Variants in TLCD4 observed in about 807,000 individuals in gnomAD.
The protein encoded by TLCD4 is TLC domain-containing protein 4.
A neutral mutation model predicts 24.2 loss-of-function variants in TLCD4; 7 were observed. The ratio of observed to expected loss-of-function variants is 0.29; its 90% CI spans 0.16 to 0.54. The LOEUF (loss-of-function observed/expected upper bound fraction) is 0.54. Among genes scored for constraint, TLCD4 ranks in the 20% least tolerant of loss-of-function variants. The probability of loss-of-function intolerance (pLI) is 0.95; values close to 1 mark genes in which losing one functional copy is unlikely to be tolerated. For missense variants in TLCD4, 259 were observed against 313.9 expected (o/e 0.82, Z 1.32); for synonymous variants, 103 against 106.4 (o/e 0.97, Z 0.20).
chr1:95,155,008 T>C lies in TLCD4; in HGVS notation c.399+3589T>C, dbSNP rs553408974. ...ATTTCCTACCAACATATAGTCGTAG[T>C]GTAGTGTAGTGCAGTGCAGTGCAGT... On this transcript the variant is annotated intron_variant, in intron 5 of 6. Coordinates refer to ENST00000370203, the MANE Select transcript of TLCD4 (RefSeq NM_152487.3). Among the ~76,000 whole-genome samples, 4 of 151,786 alleles carry C rather than the reference T, an allele frequency of 2.6e-5. No individual in the cohort carries two copies. The South Asian group carries it at 6.2e-4, about 24-fold the overall frequency.
At chr1:95,167,189 A>G (rs1678046231) in intron 5 of TLCD4, among the ~76,000 whole-genome samples, 2 of 152,066 alleles carry the variant, frequency 1.3e-5, no homozygotes, top group African/African-American at 4.8e-5. Flanking sequence ...GGAGAAACCG[A>G]AATTTAGATT....
intron 6 of TLCD4, among the ~76,000 whole-genome samples, chr1:95,184,651 A>G (rs930958147): frequency 1.2e-4 from 19 of 152,170 alleles, no homozygotes; most frequent in African/African-American, 4.3e-4. Flanking sequence ...TGTCTTAGTA[A>G]TAACAGTAAA....
intron 1 of TLCD4, among the ~76,000 whole-genome samples, chr1:95,129,840 T>C (rs1676838971): frequency 6.6e-6 from 1 of 152,194 alleles, no homozygotes; most frequent in African/African-American, 2.4e-5. Context: ...TAAAAAGCAG[T>C]ACCATGAATA....
intron 6 of TLCD4, among the ~76,000 whole-genome samples, chr1:95,179,967 T>C (rs1312465930): frequency 6.6e-6 from 1 of 152,268 alleles, no homozygotes; most frequent in East Asian, 1.9e-4. Context: ...TATGTGTATA[T>C]TACTATACTT....
chr1:95,186,462 G>A (rs778389481), intron 6 of TLCD4, among the ~76,000 whole-genome samples: 6 of 152,166 alleles, frequency 3.9e-5, no homozygotes, highest in Non-Finnish European at 8.8e-5. Context: ...GGATTAGGTA[G>A]GAAAGGAAGT....
chr1:95,179,852 T>TA (rs1453429770), intron 6 of TLCD4, among the ~76,000 whole-genome samples: 6 of 152,204 alleles, frequency 3.9e-5, no homozygotes, highest in African/African-American at 1.4e-4. Context: ...CCTCCTGTCT[T>TA]ACTTGTTATT....
chr1:95,128,944 G>A lies in TLCD4; in HGVS notation c.-12+11327G>A, dbSNP rs572216292. On this transcript the variant is annotated intron_variant, in intron 1 of 6. Coordinates refer to ENST00000370203, the MANE Select transcript of TLCD4 (RefSeq NM_152487.3). The stretch of plus-strand genomic sequence containing the variant: ...AGAGTTGTGACTCAACTGTCAGATC[G>A]GTTTTCTGAGCTTTGGTAGCAAGGT... 1.1e-4 allele frequency among the ~76,000 whole-genome samples: 17 copies of A among 152,274 alleles called. No individual in the cohort carries two copies. In the South Asian group the frequency reaches 2.7e-3, roughly 24 times the overall value.
intron 1 of TLCD4, among the ~76,000 whole-genome samples, chr1:95,134,603 G>A (rs948047383): frequency 3.3e-5 from 5 of 152,184 alleles, no homozygotes; most frequent in Non-Finnish European, 5.9e-5. Context: ...GGTGGAGAGG[G>A]TGATGGGCTG....
intron 1 of TLCD4, among the ~76,000 whole-genome samples, chr1:95,137,918 G>A (rs1231146311): frequency 6.6e-6 from 1 of 151,914 alleles, no homozygotes; most frequent in African/African-American, 2.4e-5. Context: ...TCTATTTTTT[G>A]TAGAGACGGG....
chr1:95,143,643 A>T (rs901035631), intron 1 of TLCD4, among the ~76,000 whole-genome samples: 1 of 152,168 alleles, frequency 6.6e-6, no homozygotes, highest in Non-Finnish European at 1.5e-5. Context: ...GAATATCATG[A>T]TGTTAAAATT....
intron 5 of TLCD4, among the ~76,000 whole-genome samples, chr1:95,162,870 C>T (rs942963641): frequency 1.3e-4 from 20 of 152,188 alleles, no homozygotes; most frequent in Non-Finnish European, 1.5e-4. Context: ...CCGAGAGATC[C>T]GCTGTTAGTC....
rs940614033 is a variant in TLCD4, at chr1:95,117,558, C to T, written c.-71C>T. On this transcript the variant is annotated 5_prime_UTR_variant, in exon 1 of 7. Transcript: ENST00000370203. ...AGCAGACTCCTGTAGACACCCGCCG[C>T]CCTCTCCCGGCTCGGCGCAGCCGCC... is the stretch of plus-strand genomic sequence containing the variant. 36 of 153,358 alleles carry T rather than the reference C, an allele frequency of 2.3e-4. No homozygotes were observed. Among genetic ancestry groups the T allele is most frequent in the Middle Eastern group, 3.4e-3 (1 of 298 alleles). 9.5% of individuals were successfully genotyped at this position (153,358 alleles called of 1,614,324 possible). A position where few individuals can be genotyped will look rare whatever the true frequency, so the allele number is the denominator to read the frequency against.
rs540058634 is a variant in TLCD4 at position 95,174,131 on chromosome 1, T to G, written c.473+242T>G. The stretch of plus-strand genomic sequence containing the variant: ...AATCCTGCTCTTTGCAGTACGATGG[T>G]GCTTTATGATGCCTGCTTCCAGCTC... On this transcript the variant is annotated intron_variant, in intron 6 of 6. Transcript: ENST00000370203. 286 of 516,648 alleles carry G rather than the reference T, an allele frequency of 5.5e-4. 1 individual carries two copies. Among genetic ancestry groups the G allele is most frequent in the Non-Finnish European group, 8.8e-4 (257 of 292,338 alleles). 32.0% of individuals were successfully genotyped at this position (516,648 alleles called of 1,614,324 possible). A position where few individuals can be genotyped will look rare whatever the true frequency, so the allele number is the denominator to read the frequency against.
At chr1:95,190,013 C>A (rs1489263378) in intron 6 of TLCD4, among the ~76,000 whole-genome samples, 1 of 152,122 alleles carries the variant, frequency 6.6e-6, no homozygotes, top group Non-Finnish European at 1.5e-5. Context: ...ACACCCTTGC[C>A]AGCAATTGTT....
At chr1:95,119,639 C>A (rs984936683) in intron 1 of TLCD4, among the ~76,000 whole-genome samples, 1 of 152,166 alleles carries the variant, frequency 6.6e-6, no homozygotes, top group Non-Finnish European at 1.5e-5. Context: ...TTTCTGGCTC[C>A]TCAGAGTCAA....
chr1:95,108,645 C>T, the TLCD4 span, among the ~76,000 whole-genome samples: 4 of 152,102 alleles, frequency 2.6e-5, no homozygotes, highest in Non-Finnish European at 5.9e-5. Context: ...TTTGTATATT[C>T]GTATTTTGCA....
At chr1:95,116,079 A>G (rs1676424335), upstream of TLCD4, among the ~76,000 whole-genome samples, 1 of 152,156 alleles carries the variant, frequency 6.6e-6, no homozygotes, top group African/African-American at 2.4e-5. Context: ...GGGGAGAAAA[A>G]GGGGAACACG....
chr1:95,127,344 T>G (rs1676768446), intron 1 of TLCD4, among the ~76,000 whole-genome samples: 1 of 152,196 alleles, frequency 6.6e-6, no homozygotes, highest in African/African-American at 2.4e-5. Context: ...GCCACTTCCC[T>G]TATCCTAAGG....
rs140620540 is a variant in TLCD4, at chr1:95,134,795, A to T, written c.-11-9096A>T. Among the ~76,000 whole-genome samples the T allele has an allele frequency of 8.7e-4, 133 of 152,298 alleles. 2 individuals are homozygous for T. In the East Asian group the frequency reaches 0.017, roughly 20 times the overall value. On this transcript the variant is annotated intron_variant, in intron 1 of 6. Coordinates refer to ENST00000370203, the MANE Select transcript of TLCD4 (RefSeq NM_152487.3). ...GAGTGACAACAGGCCCAGAGATTGT[A>T]TGTCCTGTGTGCTGCTGGAGGTGGA...
Sources: gnomAD v4.1 joint callset for allele counts (sites outside exome capture counted in the v4.1 genomes callset) on GRCh38, gnomAD v4.1.1 for gene constraint, MANE v1.5 for transcripts, NCBI Gene and HGNC (gene_info 2026-07-23, HGNC 2026-07-21) for gene names.